The following KIAA0319L variants were observed in gnomAD, a reference collection of about 807,000 sequenced individuals.
The protein encoded by KIAA0319L is KIAA0319 like, also known as dyslexia-associated protein KIAA0319-like protein.
A neutral mutation model predicts 120.1 loss-of-function variants in KIAA0319L; 55 were observed. The observed-to-expected ratio is 0.46, with a 90% confidence interval of 0.37 to 0.57. KIAA0319L has a LOEUF of 0.57. Among genes scored for constraint, KIAA0319L ranks in the 20% least tolerant of loss-of-function variants. The pLI, the probability that KIAA0319L is intolerant of heterozygous loss-of-function variation, is 0.00. For missense variants in KIAA0319L, 1,049 were observed against 1,255.3 expected, an observed-to-expected ratio of 0.84 and a Z score of 2.48; for synonymous variants, 398 against 471.9, an observed-to-expected ratio of 0.84 and a Z score of 2.03.
intron 5 of KIAA0319L, among the ~76,000 whole-genome samples, chr1:35,474,020 G>T (rs1483536476): frequency 6.6e-6 from 1 of 152,136 alleles, no homozygotes; most frequent in East Asian, 1.9e-4. Flanking sequence ...CTTAAATAAT[G>T]AATTAATCAT....
intron 14 of KIAA0319L, 99 bp downstream of exon 14, chr1:35,450,259 G>A (rs1311755363): frequency 7.7e-7 from 1 of 1,301,354 alleles, no homozygotes; most frequent in East Asian, 2.3e-5. Flanking sequence ...AACAATCTGG[G>A]TTTGATATAA....
intron 1 of KIAA0319L, 199 bp from the exon 2 acceptor site, chr1:35,554,718 A>G (rs1013499205): frequency 5.1e-5 from 19 of 371,690 alleles, no homozygotes; most frequent in Non-Finnish European, 9.1e-5. Context: ...ACAGCAAGGG[A>G]TATCAAATGA....
At chr1:35,483,952 G>A (rs1473450689) in intron 3 of KIAA0319L, among the ~76,000 whole-genome samples, 1 of 152,060 alleles carries the variant, frequency 6.6e-6, no homozygotes, top group East Asian at 1.9e-4. Context: ...TACTCTTCAC[G>A]TGGCCTTCTT....
At chr1:35,469,600 G>A (rs1044775856) in intron 6 of KIAA0319L, among the ~76,000 whole-genome samples, 4 of 151,236 alleles carry the variant, frequency 2.6e-5, no homozygotes, top group African/African-American at 7.3e-5. Context: ...TTCTGCTTGA[G>A]GTATTATCCC....
chr1:35,536,235 A>G (rs1646568690), intron 2 of KIAA0319L, among the ~76,000 whole-genome samples: 1 of 152,278 alleles, frequency 6.6e-6, no homozygotes, highest in African/African-American at 2.4e-5. Flanking sequence ...TGGATAAAAA[A>G]GAGATAACTG....
At chr1:35,467,852 C>T (rs1429575584) in intron 6 of KIAA0319L, among the ~76,000 whole-genome samples, 2 of 152,094 alleles carry the variant, frequency 1.3e-5, no homozygotes, top group South Asian at 4.1e-4. Flanking sequence ...CCATTCCCAG[C>T]TAATTTTTTA....
At chr1:35,458,088 ACC>A (rs1642616800) in intron 9 of KIAA0319L, among the ~76,000 whole-genome samples, 1 of 152,080 alleles carries the variant, frequency 6.6e-6, no homozygotes. Context: ...GCTACCTGCC[ACC>A]ATGCTCAGCT....
intron 2 of KIAA0319L, among the ~76,000 whole-genome samples, chr1:35,521,070 G>C (rs1269208569): frequency 2.0e-5 from 3 of 152,218 alleles, no homozygotes; most frequent in Non-Finnish European, 4.4e-5. Flanking sequence ...GCTGGGCACA[G>C]TGGTTCACTC....
chr1:35,443,857 T>C (rs1570615877), intron 17 of KIAA0319L, among the ~76,000 whole-genome samples: 1 of 152,322 alleles, frequency 6.6e-6, no homozygotes, highest in East Asian at 1.9e-4. Flanking sequence ...CTACTGTAGT[T>C]TGTTGCCTAC....
At chr1:35,529,565 A>G (rs895416879) in intron 2 of KIAA0319L, among the ~76,000 whole-genome samples, 4 of 152,182 alleles carry the variant, frequency 2.6e-5, no homozygotes, top group African/African-American at 9.7e-5. Flanking sequence ...ATGAAAGATA[A>G]CTTCACTAGG....
At chr1:35,520,462 T>C (rs571119827) in intron 2 of KIAA0319L, among the ~76,000 whole-genome samples, 12 of 152,060 alleles carry the variant, frequency 7.9e-5, no homozygotes, top group Middle Eastern at 6.8e-3. Flanking sequence ...GGTGCAATCA[T>C]AGCTCACTGC....
At chr1:35,441,218 G>C in intron 19 of KIAA0319L, 80 bp from the exon 20 acceptor site, 1 of 1,296,498 alleles carries the variant, frequency 7.7e-7, no homozygotes, top group Admixed American at 1.8e-5. Flanking sequence ...GTGCATGCAG[G>C]GCCCTATTTT....
intron 3 of KIAA0319L, among the ~76,000 whole-genome samples, chr1:35,496,359 G>C (rs1326790310): frequency 6.6e-6 from 1 of 152,182 alleles, no homozygotes. Flanking sequence ...AGCGGAAGTT[G>C]TAGTGAGCTG....
intron 3 of KIAA0319L, among the ~76,000 whole-genome samples, chr1:35,503,787 T>C (rs1416681734): frequency 6.6e-6 from 1 of 151,936 alleles, no homozygotes; most frequent in Non-Finnish European, 1.5e-5. Context: ...GACCAACTAC[T>C]CCTCTTCCTC....
At chr1:35,493,549 A>G (rs1286628204) in intron 3 of KIAA0319L, among the ~76,000 whole-genome samples, 5 of 152,132 alleles carry the variant, frequency 3.3e-5, no homozygotes. Context: ...ACCGGTGCCC[A>G]GCTGGTATAC....
intron 2 of KIAA0319L, among the ~76,000 whole-genome samples, chr1:35,543,634 C>T (rs1244704624): frequency 1.3e-5 from 2 of 152,142 alleles, no homozygotes; most frequent in Non-Finnish European, 2.9e-5. Context: ...TAAGGGCAAA[C>T]GAGGCAAGTG....
chr1:35,526,388 C>CAT (rs60847372), intron 2 of KIAA0319L, among the ~76,000 whole-genome samples: 7,888 of 126,958 alleles, frequency 0.062, 212 homozygotes, highest in Middle Eastern at 0.12. Context: ...TATATACATA[C>CAT]ATATATATAT....
At chr1:35,496,947 C>CAA (rs754043280) in intron 3 of KIAA0319L, among the ~76,000 whole-genome samples, 281 of 49,224 alleles carry the variant, frequency 5.7e-3, no homozygotes, top group Middle Eastern at 0.013. Flanking sequence ...ATTGTGTCTC[C>CAA]AAAAAAAAAA....
chr1:35,519,353 G>GT (rs970200167), intron 2 of KIAA0319L, among the ~76,000 whole-genome samples: 11 of 151,826 alleles, frequency 7.2e-5, no homozygotes, highest in South Asian at 2.1e-4. Flanking sequence ...GTGAAATAAA[G>GT]TTTTTTTTTC....
Sources: gnomAD v4.1 joint callset for allele counts (sites outside exome capture counted in the v4.1 genomes callset) on GRCh38, gnomAD v4.1.1 for gene constraint, MANE v1.5 for transcripts, NCBI Gene and HGNC (gene_info 2026-07-23, HGNC 2026-07-21) for gene names.